Variants in BCAS3 observed in about 807,000 individuals in gnomAD.
BCAS3 encodes BCAS3 microtubule associated cell migration factor.
In BCAS3, 53 loss-of-function variants were observed where a neutral mutation model predicts 116.1. That is an observed-to-expected ratio of 0.46 (90% CI 0.37 to 0.57). The LOEUF is 0.57. BCAS3 is among the 20% of genes least tolerant of loss of function. The pLI, the probability that BCAS3 is intolerant of heterozygous loss-of-function variation, is 0.00. For synonymous variants in BCAS3, 391 were observed against 408.2 expected (o/e 0.96, Z 0.51); for missense variants, 917 against 1,165.4 (o/e 0.79, Z 3.10).
intron 7 of BCAS3, among the ~76,000 whole-genome samples, chr17:60,861,939 CT>C (rs1295263129): frequency 6.6e-6 from 1 of 152,120 alleles, no homozygotes; most frequent in African/African-American, 2.4e-5. Flanking sequence ...GGATATTGGC[CT>C]GAAATTTTCC....
chr17:61,153,450 G>A (rs1274032317), intron 22 of BCAS3, among the ~76,000 whole-genome samples: 1 of 152,092 alleles, frequency 6.6e-6, no homozygotes, highest in Non-Finnish European at 1.5e-5. Context: ...TTTTTACTAT[G>A]AATATCAGAG....
At chr17:60,974,068 A>G (rs550960865) in intron 14 of BCAS3, among the ~76,000 whole-genome samples, 25 of 152,332 alleles carry the variant, frequency 1.6e-4, no homozygotes, top group African/African-American at 6.0e-4. Flanking sequence ...CTGCTGAATC[A>G]TAATTCTGAA....
intron 19 of BCAS3, chr17:61,070,186 A>G: frequency 6.4e-7 from 1 of 1,566,918 alleles, no homozygotes; most frequent in Non-Finnish European, 8.7e-7. Context: ...TAAAGCCAAC[A>G]AGCACCAGAT....
chr17:60,856,181 G>A (rs1270764226), intron 7 of BCAS3, among the ~76,000 whole-genome samples: 1 of 152,126 alleles, frequency 6.6e-6, no homozygotes, highest in Non-Finnish European at 1.5e-5. Context: ...GCCTTTTAAA[G>A]CAAATGCCTA....
intron 14 of BCAS3, among the ~76,000 whole-genome samples, chr17:60,974,338 C>A (rs536591634): frequency 6.6e-6 from 1 of 152,146 alleles, no homozygotes; most frequent in African/African-American, 2.4e-5. Flanking sequence ...TGTACTTTGA[C>A]TTCAACCCAT....
intron 7 of BCAS3, chr17:60,811,520 TAAAA>T: frequency 6.7e-6 from 2 of 297,948 alleles, no homozygotes; most frequent in Non-Finnish European, 1.3e-5. Flanking sequence ...AGTTCAGAGG[TAAAA>T]AAAAAAAAGA....
At chr17:61,231,352 TG>T (rs1303205652) in intron 22 of BCAS3, among the ~76,000 whole-genome samples, 1 of 152,212 alleles carries the variant, frequency 6.6e-6, no homozygotes, top group East Asian at 1.9e-4. Flanking sequence ...ATGCATAGTT[TG>T]AGAATATTTT....
At chr17:60,761,620 G>A (rs559512494) in intron 6 of BCAS3, among the ~76,000 whole-genome samples, 1 of 152,262 alleles carries the variant, frequency 6.6e-6, no homozygotes, top group East Asian at 1.9e-4. Context: ...GGACATTTGG[G>A]TTGGTTCCAT....
rs2063716581 is a variant in BCAS3, at chr17:60,994,436, G to A, written c.1486+4201G>A. Among the ~76,000 whole-genome samples the A allele has an allele frequency of 2.0e-5, 3 of 152,036 alleles. No individual in the cohort carries two copies. The highest frequency in any genetic ancestry group is 2.0e-4 in the Admixed American group (3 of 15,270). ...CTTCCCCAGACTGTCCAAATAGTCT[G>A]TGATACAAAAATGGTTAAGAATCCC... On this transcript the variant is annotated intron_variant, in intron 15 of 23. Transcript: ENST00000407086. The surrounding 1 kb of genome is among the most constrained non-coding windows in gnomAD (Gnocchi z 4.4).
At chr17:61,149,492 AGATT>A (rs895020064) in intron 22 of BCAS3, among the ~76,000 whole-genome samples, 20 of 152,332 alleles carry the variant, frequency 1.3e-4, no homozygotes, top group African/African-American at 4.3e-4. Context: ...AAATGAAAAT[AGATT>A]TTTAATGGCA....
intron 22 of BCAS3, among the ~76,000 whole-genome samples, chr17:61,179,138 G>A (rs903444317): frequency 6.6e-6 from 1 of 152,044 alleles, no homozygotes; most frequent in Admixed American, 6.6e-5. Context: ...AGGTAGATTA[G>A]TAGAGAAGGT....
At chr17:60,912,122 A>G (rs1258965311) in intron 12 of BCAS3, among the ~76,000 whole-genome samples, 1 of 152,126 alleles carries the variant, frequency 6.6e-6, no homozygotes, top group Non-Finnish European at 1.5e-5. Context: ...CTTCATTTTA[A>G]ATATACGTTT....
At chr17:61,110,057 G>A (rs2074953544) in intron 22 of BCAS3, among the ~76,000 whole-genome samples, 2 of 152,196 alleles carry the variant, frequency 1.3e-5, no homozygotes, top group Admixed American at 1.3e-4. Flanking sequence ...TTATCTTCTA[G>A]AATCTTTATG....
intron 22 of BCAS3, among the ~76,000 whole-genome samples, chr17:61,231,884 A>AG (rs1200277593): frequency 4.7e-4 from 71 of 150,536 alleles, no homozygotes; most frequent in South Asian, 1.1e-3. Flanking sequence ...AAAAAAAAAA[A>AG]AAAGAAAGAG....
At position 60,772,829 on chromosome 17, in the gene BCAS3, C is replaced by T. The variant is rs975830641; in HGVS notation, c.403+25550C>T. Among the ~76,000 whole-genome samples, 7 of 151,880 alleles carry T rather than the reference C, an allele frequency of 4.6e-5. No individual in the cohort carries two copies. The South Asian group carries it at 6.2e-4, about 14-fold the overall frequency. On this transcript the variant is annotated intron_variant, in intron 6 of 23. Coordinates refer to ENST00000407086, the MANE Select transcript of BCAS3 (RefSeq NM_017679.5). ...TGGAAGTTGCAGTGAGCTGAGATCG[C>T]GCCACTGCACTCCAGCCTGGGCAAC...
intron 8 of BCAS3, among the ~76,000 whole-genome samples, chr17:60,872,400 A>C (rs2055188513): frequency 6.6e-6 from 1 of 150,514 alleles, no homozygotes; most frequent in South Asian, 2.3e-4. Context: ...ACACATACAC[A>C]CACATACCCC....
At chr17:60,756,378 T>G (rs2042986173) in intron 6 of BCAS3, among the ~76,000 whole-genome samples, 1 of 152,202 alleles carries the variant, frequency 6.6e-6, no homozygotes, top group Non-Finnish European at 1.5e-5. Flanking sequence ...CTGTTCTAAC[T>G]GTGTGTTTGT....
intron 4 of BCAS3, 26 bp from the exon 5 acceptor site, chr17:60,709,193 T>C (rs754862650): frequency 2.5e-6 from 3 of 1,223,954 alleles, no homozygotes; most frequent in South Asian, 2.5e-5. Flanking sequence ...TTAAATTTGC[T>C]TCTTTGTTAC....
Position 61,156,150 on chromosome 17 carries a change from A to C in BCAS3, c.2425+71586A>C, listed in dbSNP as rs975851328. Among the ~76,000 whole-genome samples the C allele has an allele frequency of 6.6e-6, 1 of 151,740 alleles. No homozygotes were observed. Among genetic ancestry groups the C allele is most frequent in the Non-Finnish European group, 1.5e-5 (1 of 67,992 alleles). ...ACAAACAAACGCAGAGAGACAGAGA[A>C]AGACAGTCAGCCAGACACATTAAAA... On this transcript the variant is annotated intron_variant, in intron 22 of 23. Transcript: ENST00000407086. The surrounding 1 kb of genome is among the most constrained non-coding windows in gnomAD (Gnocchi z 4.7).
Sources: gnomAD v4.1 joint callset for allele counts (sites outside exome capture counted in the v4.1 genomes callset) on GRCh38, gnomAD v4.1.1 for gene constraint, Gnocchi (gnomAD v3.1) non-coding constraint, MANE v1.5 for transcripts, NCBI Gene and HGNC (gene_info 2026-07-23, HGNC 2026-07-21) for gene names.